Variants in ELP1 observed in about 807,000 individuals in gnomAD.
The protein encoded by ELP1 is elongator complex protein 1.
A neutral mutation model predicts 183.2 loss-of-function variants in ELP1; 131 were observed. That is an observed-to-expected ratio of 0.72 (90% CI 0.62 to 0.83). ELP1 has a LOEUF of 0.83. Ranked by LOEUF, ELP1 falls within the 40% of genes least tolerant of loss-of-function variation. ELP1 has a pLI of 0.00. For synonymous variants in ELP1, 555 were observed against 569.0 expected, an observed-to-expected ratio of 0.98 and a Z score of 0.35; for missense variants, 1,550 against 1,594.9, an observed-to-expected ratio of 0.97 and a Z score of 0.48.
Position 108,878,031 on chromosome 9 carries a change from A to G in ELP1, c.3819T>C (p.Ile1273=), listed in dbSNP as rs201242444. 4.3e-6 allele frequency: 7 copies of G among 1,614,202 alleles called. No individual in the cohort carries two copies. In the Admixed American group the frequency reaches 6.7e-5, roughly 15 times the overall value. Residue 1273 remains isoleucine, a synonymous_variant, in exon 35 of 37, where the codon ATT becomes ATC. Coordinates refer to ENST00000374647, the MANE Select transcript of ELP1 (RefSeq NM_003640.5). Reference sequence around the variant, plus strand: ...AATTCTGCTGGTAAGTAAGAGTCCAAATTTCTGGAAGTGACCTTTCCATCA... The same window carrying G: ...AATTCTGCTGGTAAGTAAGAGTCCAGATTTCTGGAAGTGACCTTTCCATCA... ...LQLMERSLPE[I]WTLTYQQNSA...
At chr9:108,874,746 C>A (rs1055659457) in intron 36 of ELP1, 149 bp downstream of exon 36, 9 of 637,884 alleles carry the variant, frequency 1.4e-5, no homozygotes, top group Non-Finnish European at 2.6e-5. Flanking sequence ...ACTAAAGATG[C>A]GGTCTTAGAA....
At chr9:108,899,469 A>C (rs1008605969) in intron 20 of ELP1, among the ~76,000 whole-genome samples, 1 of 152,144 alleles carries the variant, frequency 6.6e-6, no homozygotes, top group South Asian at 2.1e-4. Flanking sequence ...CTGTAAATCT[A>C]TTGAAAGCTG....
intron 5 of ELP1, among the ~76,000 whole-genome samples, chr9:108,923,593 G>T (rs1829733381): frequency 6.6e-6 from 1 of 152,114 alleles, no homozygotes; most frequent in Admixed American, 6.5e-5. Flanking sequence ...CCCAAGATGA[G>T]AACTGGGAAT....
intron 31 of ELP1, 72 bp from the exon 32 acceptor site, chr9:108,880,237 A>T (rs1827874890): frequency 1.0e-6 from 1 of 983,964 alleles, no homozygotes; most frequent in Non-Finnish European, 1.6e-6. Context: ...GGCGGGGAGC[A>T]GTGAAGGAGG....
intron 1 of ELP1, among the ~76,000 whole-genome samples, chr9:108,931,433 G>A (rs1830000969): frequency 6.6e-6 from 1 of 152,122 alleles, no homozygotes; most frequent in African/African-American, 2.4e-5. Flanking sequence ...TTTTAGGAGA[G>A]GCAAGATTCT....
At chr9:108,884,951 T>G (rs1027613476) in intron 29 of ELP1, among the ~76,000 whole-genome samples, 16 of 151,900 alleles carry the variant, frequency 1.1e-4, no homozygotes, top group Non-Finnish European at 2.2e-4. Flanking sequence ...CATGGTGGCA[T>G]GCACCTGTAA....
At chr9:108,928,474 A>G (rs1352958205) in intron 3 of ELP1, among the ~76,000 whole-genome samples, 1 of 152,160 alleles carries the variant, frequency 6.6e-6, no homozygotes, top group East Asian at 1.9e-4. Context: ...GGAAAGAGAG[A>G]CCAGGAAGAA....
rs151101843 is a variant in ELP1, at chr9:108,891,302, C to CT, written c.3060dup (p.Ala1021SerfsTer19). 6.2e-7 allele frequency: 1 copy of CT among 1,614,158 alleles called. No homozygotes were observed. Among genetic ancestry groups the CT allele is most frequent in the Non-Finnish European group, 8.5e-7 (1 of 1,180,002 alleles). On this transcript the variant is annotated frameshift_variant, in exon 28 of 37. Transcript: ENST00000374647. LOFTEE classifies it high-confidence loss of function. ...TTCCAGTTGCCACATGTCAGAAAGG[C>CT]TGAGAGAGCTTTCTCGTGGGCACCG...
chr9:108,901,768 A>G, intron 16 of ELP1, 87 bp from the exon 17 acceptor site: 2 of 1,231,500 alleles, frequency 1.6e-6, no homozygotes, highest in Non-Finnish European at 2.4e-6. Flanking sequence ...CTACCACCCT[A>G]TGATTTCACA....
rs945633667 is a variant in ELP1 at position 108,874,952 on chromosome 9, T to G, written c.3874A>C (p.Thr1292Pro). 3 of 1,611,616 alleles carry G rather than the reference T, an allele frequency of 1.9e-6. No individual in the cohort carries two copies. Among genetic ancestry groups the G allele is most frequent in the Non-Finnish European group, 2.5e-6 (3 of 1,177,822 alleles). The change falls in exon 36 of 37, where the codon ACT (threonine) becomes CCT (proline). Residue 1292 changes from threonine to proline, a missense_variant. By Grantham distance (38) the Thr-to-Pro change is conservative. Transcript: ENST00000374647. ...TAAGATGCCATGATACTATTTGCAG[T>G]AGAATTGGGACCTAGAACCTGAGGA... ...SATPVLGPNS[T>P]ANSIMASYQQ...
Position 108,919,252 on chromosome 9 carries a change from C to G in ELP1, c.649+1G>C, listed in dbSNP as rs1564102412. 1 of 1,605,126 alleles carries G rather than the reference C, an allele frequency of 6.2e-7. No individual in the cohort carries two copies. Among genetic ancestry groups the G allele is most frequent in the Non-Finnish European group, 8.5e-7 (1 of 1,172,022 alleles). On this transcript the variant is annotated splice_donor_variant, in intron 7 of 36. Transcript: ENST00000374647. LOFTEE classifies it high-confidence loss of function. ...TGTTTAACTGCAATATATTTCCATA[C>G]CTGTTTCTGGGCAAACAACACTCAC...
intron 26 of ELP1, 21 bp from the exon 27 acceptor site, chr9:108,893,104 C>T (rs2131973529): frequency 2.6e-6 from 4 of 1,536,152 alleles, no homozygotes; most frequent in East Asian, 2.2e-5. Context: ...AAGATTCACA[C>T]AAAGACAGGC....
chr9:108,876,893 G>A (rs1024957734), intron 35 of ELP1, among the ~76,000 whole-genome samples: 10 of 152,188 alleles, frequency 6.6e-5, no homozygotes, highest in Admixed American at 3.3e-4. Flanking sequence ...CACCATGCCC[G>A]GGTAATTTTG....
intron 9 of ELP1, among the ~76,000 whole-genome samples, 187 bp from the exon 10 acceptor site, chr9:108,916,484 TA>T (rs36030896): frequency 6.6e-6 from 1 of 151,822 alleles, no homozygotes; most frequent in East Asian, 1.9e-4. Context: ...GTAGAGGACT[TA>T]AAAAAAAGAA....
At chr9:108,881,104 A>G (rs994784855) in intron 31 of ELP1, among the ~76,000 whole-genome samples, 1 of 152,212 alleles carries the variant, frequency 6.6e-6, no homozygotes, top group African/African-American at 2.4e-5. Context: ...AGAACCACAA[A>G]CTTCATTTGA....
rs528328054 is a variant in ELP1, at chr9:108,926,383, C to G, written c.466+140G>C. ...TAAGATTTGGGATGGGCTGAAGGAACTGGGCTAATAGACATTTAATAGCTG... is the reference window on the plus strand; with the variant it reads ...TAAGATTTGGGATGGGCTGAAGGAAGTGGGCTAATAGACATTTAATAGCTG... On this transcript the variant is annotated intron_variant, in intron 5 of 36. Transcript: ENST00000374647. 8.2e-6 allele frequency: 6 copies of G among 727,948 alleles called. No homozygotes were observed. The East Asian group carries it at 1.6e-4, about 20-fold the overall frequency. 45.1% of individuals were successfully genotyped at this position (727,948 alleles called of 1,614,324 possible).
chr9:108,891,129 G>T, intron 28 of ELP1, 74 bp downstream of exon 28: 1 of 1,448,146 alleles, frequency 6.9e-7, no homozygotes, highest in Non-Finnish European at 9.7e-7. Flanking sequence ...AAATTTATTT[G>T]CAAAATTACC....
chr9:108,913,770 C>G (rs1207607664), intron 10 of ELP1, among the ~76,000 whole-genome samples: 1 of 152,076 alleles, frequency 6.6e-6, no homozygotes, highest in Admixed American at 6.5e-5. Context: ...TCTCAGCCTC[C>G]CGAGTAGCTA....
chr9:108,900,838 ACGC>A lies in ELP1; in HGVS notation c.2015-466_2015-464del, dbSNP rs1301360963. Reference sequence around the variant, plus strand: ...ACACATACACGCCACACACACATACACGCCACACACACATACACGCCACACACA... The same window carrying A: ...ACACATACACGCCACACACACATACACACACACACATACACGCCACACACA... On this transcript the variant is annotated intron_variant, in intron 18 of 36. Transcript: ENST00000374647. 4.5e-4 allele frequency among the ~76,000 whole-genome samples: 35 copies of A among 77,904 alleles called. 15 individuals carry two copies. Among genetic ancestry groups the A allele is most frequent in the Admixed American group, 1.3e-3 (9 of 6,856 alleles). The allele number at this position is 77,904 out of a possible 152,430, so 51.1% of individuals were successfully genotyped here. A position where few individuals can be genotyped will look rare whatever the true frequency, so the allele number is the denominator to read the frequency against.
Sources: gnomAD v4.1 joint callset for allele counts (sites outside exome capture counted in the v4.1 genomes callset) on GRCh38, gnomAD v4.1.1 for gene constraint, MANE v1.5 for transcripts, NCBI Gene and HGNC (gene_info 2026-07-23, HGNC 2026-07-21) for gene names.